FAM107B: variants seen among roughly 807,000 people sequenced by gnomAD.
The protein encoded by FAM107B is protein FAM107B.
FAM107B carries 21 observed loss-of-function variants against 31.5 expected under a neutral mutation model. The ratio of observed to expected loss-of-function variants is 0.67; its 90% CI spans 0.47 to 0.96. The LOEUF is 0.96. Among genes scored for constraint, FAM107B ranks in the 40% least tolerant of loss-of-function variants. The pLI is 0.00. For missense variants in FAM107B, 452 were observed against 377.1 expected, an observed-to-expected ratio of 1.20 and a Z score of -1.64; for synonymous variants, 157 against 141.5, an observed-to-expected ratio of 1.11 and a Z score of -0.78.
chr10:14,614,067 G>A (rs531203685), intron 2 of FAM107B, among the ~76,000 whole-genome samples: 9 of 152,234 alleles, frequency 5.9e-5, no homozygotes, highest in African/African-American at 2.2e-4. Flanking sequence ...GGAGGCAGAG[G>A]TTGCAGTGAG....
chr10:14,612,699 C>T (rs1852754523), intron 2 of FAM107B: 2 of 152,146 alleles, frequency 1.3e-5, no homozygotes, highest in Non-Finnish European at 2.9e-5. Context: ...TATGATAGAA[C>T]TGTCCTTGTC....
intron 2 of FAM107B, among the ~76,000 whole-genome samples, chr10:14,571,243 C>CTT (rs1851198359): frequency 1.3e-5 from 2 of 152,134 alleles, no homozygotes; most frequent in African/African-American, 4.8e-5. Context: ...AAAACCATAA[C>CTT]ATAAGGGGTT....
At chr10:14,728,414 T>C (rs1289469058) in intron 1 of FAM107B, among the ~76,000 whole-genome samples, 1 of 151,182 alleles carries the variant, frequency 6.6e-6, no homozygotes, top group Non-Finnish European at 1.5e-5. Context: ...AGTGAGAAAA[T>C]AAAGACAGAA....
At chr10:14,624,837 A>G (rs931854738) in intron 2 of FAM107B, among the ~76,000 whole-genome samples, 3 of 152,220 alleles carry the variant, frequency 2.0e-5, no homozygotes, top group Admixed American at 2.0e-4. Context: ...GCACATACAT[A>G]AGGAAGTTCC....
intron 1 of FAM107B, among the ~76,000 whole-genome samples, chr10:14,703,837 A>G (rs890114285): frequency 6.6e-6 from 1 of 152,210 alleles, no homozygotes; most frequent in Non-Finnish European, 1.5e-5. Flanking sequence ...GTTGCCATTT[A>G]TGAGCAGCTG....
intron 2 of FAM107B, among the ~76,000 whole-genome samples, chr10:14,620,549 T>C (rs1199271969): frequency 6.6e-6 from 1 of 152,168 alleles, no homozygotes; most frequent in African/African-American, 2.4e-5. Context: ...TTTATTATTA[T>C]AATTTAAGTT....
chr10:14,692,633 G>A (rs1855168009), intron 1 of FAM107B, among the ~76,000 whole-genome samples: 1 of 152,156 alleles, frequency 6.6e-6, no homozygotes, highest in Admixed American at 6.5e-5. Flanking sequence ...GTCTCAGCAT[G>A]ACTATTAATG....
intron 1 of FAM107B, among the ~76,000 whole-genome samples, chr10:14,737,751 C>CA (rs1174990228): frequency 1.6e-5 from 2 of 124,100 alleles, no homozygotes; most frequent in African/African-American, 6.4e-5. Flanking sequence ...CCATGCAGTG[C>CA]TGTGCGTGCA....
chr10:14,561,359 G>A (rs1458830647), intron 2 of FAM107B, among the ~76,000 whole-genome samples: 1 of 152,210 alleles, frequency 6.6e-6, no homozygotes, highest in South Asian at 2.1e-4. Context: ...GAGTGGCAGG[G>A]TGCACTATTG....
At chr10:14,620,539 T>A (rs1852982913) in intron 2 of FAM107B, among the ~76,000 whole-genome samples, 1 of 152,192 alleles carries the variant, frequency 6.6e-6, no homozygotes, top group African/African-American at 2.4e-5. Flanking sequence ...CTGTATTTTT[T>A]TTATTATTAT....
intron 1 of FAM107B, among the ~76,000 whole-genome samples, chr10:14,747,375 C>T (rs754780827): frequency 6.6e-6 from 1 of 152,168 alleles, no homozygotes; most frequent in Admixed American, 6.5e-5. Context: ...GAGGCACTCT[C>T]ATTTTTGAGT....
At chr10:14,598,865 T>C (rs1262408708) in intron 2 of FAM107B, among the ~76,000 whole-genome samples, 4 of 152,056 alleles carry the variant, frequency 2.6e-5, no homozygotes, top group Non-Finnish European at 4.4e-5. Flanking sequence ...ATGAGAATAC[T>C]AGAGCTCAAG....
intron 2 of FAM107B, among the ~76,000 whole-genome samples, chr10:14,665,900 T>C (rs539747228): frequency 2.0e-5 from 3 of 152,326 alleles, no homozygotes; most frequent in African/African-American, 7.2e-5. Flanking sequence ...GCAAGTGCCA[T>C]GTCATATTTT....
At position 14,740,170 on chromosome 10, in the gene FAM107B, C is replaced by T. The variant is rs564487956; in HGVS notation, c.411+34083G>A. Among the ~76,000 whole-genome samples, 14 of 152,248 alleles carry T rather than the reference C, an allele frequency of 9.2e-5. No homozygotes were observed. In the South Asian group the frequency reaches 2.3e-3, roughly 25 times the overall value. On this transcript the variant is annotated intron_variant, in intron 1 of 4. Transcript: ENST00000181796. ...ACCTACACGTGAATGTTTATAGAAG[C>T]GATATTCATATTCGCCAAAACTTGG...
intron 2 of FAM107B, among the ~76,000 whole-genome samples, chr10:14,599,448 G>A (rs1852294277): frequency 6.6e-6 from 1 of 152,082 alleles, no homozygotes; most frequent in Non-Finnish European, 1.5e-5. Context: ...ACTTACACAC[G>A]CCCCCAACAC....
chr10:14,767,020 G>GTGTATATA (rs1354065285), intron 1 of FAM107B, among the ~76,000 whole-genome samples: 17 of 30,386 alleles, frequency 5.6e-4, no homozygotes, highest in African/African-American at 1.3e-3. Context: ...TCCCTGATGT[G>GTGTATATA]TATGTATATA....
chr10:14,720,285 A>C (rs1855881266), intron 1 of FAM107B, among the ~76,000 whole-genome samples: 1 of 151,526 alleles, frequency 6.6e-6, no homozygotes, highest in Non-Finnish European at 1.5e-5. Flanking sequence ...AAGGAATCTC[A>C]CTCTGTCACC....
At chr10:14,554,975 G>A (rs1045226504) in intron 2 of FAM107B, among the ~76,000 whole-genome samples, 2 of 151,992 alleles carry the variant, frequency 1.3e-5, no homozygotes, top group Non-Finnish European at 2.9e-5. Context: ...AAGCTCCTAT[G>A]GTCTAACAAG....
At chr10:14,569,896 A>G (rs1028677540) in intron 2 of FAM107B, among the ~76,000 whole-genome samples, 7 of 152,242 alleles carry the variant, frequency 4.6e-5, no homozygotes, top group African/African-American at 1.4e-4. Context: ...GCCAACAGCC[A>G]ACCAGGCAGG....
Sources: allele counts gnomAD v4.1 joint callset (sites outside exome capture counted in the v4.1 genomes callset), GRCh38; gene constraint gnomAD v4.1.1; transcripts MANE v1.5; gene names NCBI Gene and HGNC (gene_info 2026-07-23, HGNC 2026-07-21).